AFF3: variants seen among roughly 807,000 people sequenced by gnomAD.
AFF3 encodes AF4/FMR2 family member 3.
AFF3 carries 32 observed loss-of-function variants against 129.7 expected under a neutral mutation model. The observed-to-expected ratio is 0.25, with a 90% CI of 0.19 to 0.33. The LOEUF (loss-of-function observed/expected upper bound fraction) is 0.33, where lower values mean the gene tolerates loss of function less well. AFF3 is among the 10% of genes least tolerant of loss of function. The probability of loss-of-function intolerance (pLI) is 1.00; values close to 1 mark genes in which losing one functional copy is unlikely to be tolerated. For synonymous variants in AFF3, 644 were observed against 635.4 expected (o/e 1.01, Z -0.20); for missense variants, 1,373 against 1,592.0 (o/e 0.86, Z 2.34).
intron 13 of AFF3, among the ~76,000 whole-genome samples, chr2:99,617,463 A>G (rs543610770): frequency 2.4e-4 from 36 of 152,340 alleles, no homozygotes; most frequent in Middle Eastern, 3.4e-3. Flanking sequence ...TCTTTGGAGA[A>G]TGTGTATTCA....
chr2:100,128,227 T>G (rs1274630761), intron 2 of AFF3, among the ~76,000 whole-genome samples: 1 of 152,182 alleles, frequency 6.6e-6, no homozygotes, highest in East Asian at 1.9e-4. Context: ...ATTCGTTTAT[T>G]CCTTCACGTT....
At chr2:100,047,957 C>T (rs908055046) in intron 4 of AFF3, among the ~76,000 whole-genome samples, 22 of 152,176 alleles carry the variant, frequency 1.4e-4, no homozygotes, top group African/African-American at 4.1e-4. Flanking sequence ...ATATTACTGC[C>T]GTTGTACCTG....
At position 99,726,224 on chromosome 2, in the gene AFF3, G is replaced by T. The variant is rs533264417; in HGVS notation, c.1091+853C>A. 8.1e-4 allele frequency among the ~76,000 whole-genome samples: 124 copies of T among 152,284 alleles called. No individual in the cohort carries two copies. The Middle Eastern group carries it at 0.014, about 17-fold the overall frequency. ...AAGGATCTTTCTAGACAAAGAAACAGATTTTGGACAAAATAAGACACTCAG... is the reference window on the plus strand; with the variant it reads ...AAGGATCTTTCTAGACAAAGAAACATATTTTGGACAAAATAAGACACTCAG... On this transcript the variant is annotated intron_variant, in intron 11 of 24. Coordinates refer to ENST00000672756, the MANE Select transcript of AFF3 (RefSeq NM_001386135.1).
intron 13 of AFF3, among the ~76,000 whole-genome samples, chr2:99,638,217 A>G (rs62154529): frequency 0.035 from 5,393 of 151,936 alleles, 118 homozygotes; most frequent in Non-Finnish European, 0.044. Flanking sequence ...ACACCACCAC[A>G]CCCGACTAAT....
intron 7 of AFF3, among the ~76,000 whole-genome samples, chr2:99,891,510 C>A (rs566720911): frequency 6.6e-6 from 1 of 152,280 alleles, no homozygotes; most frequent in East Asian, 1.9e-4. Flanking sequence ...CAGAGTCTGC[C>A]CAGCCCGGCA....
chr2:99,895,598 T>C (rs1394605794), intron 7 of AFF3, among the ~76,000 whole-genome samples: 1 of 152,082 alleles, frequency 6.6e-6, no homozygotes, highest in Non-Finnish European at 1.5e-5. Flanking sequence ...CCTCTGACAC[T>C]GCAAAGCCCC....
chr2:99,782,265 A>T (rs1684473346), intron 8 of AFF3, among the ~76,000 whole-genome samples: 1 of 152,218 alleles, frequency 6.6e-6, no homozygotes, highest in Non-Finnish European at 1.5e-5. Context: ...CTTTGGCCCA[A>T]ACATCTGTAA....
At chr2:99,869,890 G>A (rs1181186624) in intron 7 of AFF3, among the ~76,000 whole-genome samples, 1 of 152,166 alleles carries the variant, frequency 6.6e-6, no homozygotes, top group Non-Finnish European at 1.5e-5. Context: ...GAAAGAATAG[G>A]AAAATTTTAT....
At chr2:99,891,923 C>T (rs10165991) in intron 7 of AFF3, among the ~76,000 whole-genome samples, 62,589 of 151,800 alleles carry the variant, frequency 0.41, 13,323 homozygotes, top group Middle Eastern at 0.48. Flanking sequence ...CCCGGGTTCA[C>T]GCCATTCTCC....
At chr2:99,981,829 G>A (rs529669319) in intron 7 of AFF3, among the ~76,000 whole-genome samples, 15 of 152,242 alleles carry the variant, frequency 9.9e-5, no homozygotes, top group African/African-American at 3.4e-4. Context: ...AAACAAATAG[G>A]AACTTAGTAT....
rs141307198 is a variant in AFF3, at chr2:99,801,819, T to G, written c.921+35658A>C. 2.9e-4 allele frequency among the ~76,000 whole-genome samples: 44 copies of G among 152,370 alleles called. 1 individual carries two copies. Among genetic ancestry groups the G allele is most frequent in the South Asian group, 1.7e-3 (8 of 4,830 alleles). The stretch of plus-strand genomic sequence containing the variant: ...ATGAGTTACTTATATATAATTGTTA[T>G]GTGGGGTCTCTATTATTTCAAGTCA... On this transcript the variant is annotated intron_variant, in intron 8 of 24. Coordinates refer to ENST00000672756, the MANE Select transcript of AFF3 (RefSeq NM_001386135.1).
At chr2:100,119,363 C>T (rs183966538) in intron 2 of AFF3, among the ~76,000 whole-genome samples, 33 of 152,296 alleles carry the variant, frequency 2.2e-4, no homozygotes, top group East Asian at 1.9e-3. Context: ...CTTCAGGAGA[C>T]CATTCCTGCT....
chr2:99,911,339 G>A (rs914749945), intron 7 of AFF3, among the ~76,000 whole-genome samples: 11 of 151,404 alleles, frequency 7.3e-5, no homozygotes, highest in Non-Finnish European at 1.0e-4. Context: ...AGTGGGCCGA[G>A]ATCGTGCCAC....
At chr2:99,932,066 A>C (rs1696708187) in intron 7 of AFF3, among the ~76,000 whole-genome samples, 1 of 152,224 alleles carries the variant, frequency 6.6e-6, no homozygotes, top group African/African-American at 2.4e-5. Flanking sequence ...CTTCCTTAAT[A>C]CAGCACTGTG....
intron 7 of AFF3, among the ~76,000 whole-genome samples, chr2:99,947,601 AAGATAGATAGATAGATAGATAGATAGAT>A (rs70940190): frequency 2.9e-5 from 4 of 136,600 alleles, no homozygotes; most frequent in Admixed American, 7.3e-5. Flanking sequence ...GAAAGAAAGA[AAGATAGATAGATAGATAGATAGATAGAT>A]AGATAGATAG....
chr2:99,947,162 C>T (rs550828126), intron 7 of AFF3, among the ~76,000 whole-genome samples: 3 of 152,204 alleles, frequency 2.0e-5, no homozygotes, highest in East Asian at 1.9e-4. Flanking sequence ...AACATCCAGC[C>T]GGGTGCAGTG....
chr2:99,613,336 A>C (rs1681111438), intron 13 of AFF3, among the ~76,000 whole-genome samples: 1 of 152,206 alleles, frequency 6.6e-6, no homozygotes, highest in Admixed American at 6.5e-5. Flanking sequence ...TGAAAGTTTA[A>C]AATAATTTGT....
chr2:100,005,042 T>C (rs1287142726), intron 7 of AFF3, among the ~76,000 whole-genome samples: 1 of 152,214 alleles, frequency 6.6e-6, no homozygotes, highest in Non-Finnish European at 1.5e-5. Context: ...TAGAAAGCTC[T>C]GATTTCTCTC....
chr2:100,029,770 C>T lies in AFF3; in HGVS notation c.54-20838G>A, dbSNP rs531169244. Among the ~76,000 whole-genome samples, 262 of 152,304 alleles carry T rather than the reference C, an allele frequency of 1.7e-3. 4 individuals are homozygous for T. Among genetic ancestry groups the T allele is most frequent in the African/African-American group, 6.0e-3 (249 of 41,580 alleles). ...GTGCTTAACGCTACTGAACTATATA[C>T]TTAAAAGTAACTGGTTGGGCACAGT... On this transcript the variant is annotated intron_variant, in intron 4 of 24. Coordinates refer to ENST00000672756, the MANE Select transcript of AFF3 (RefSeq NM_001386135.1).
Sources: allele counts gnomAD v4.1 joint callset (sites outside exome capture counted in the v4.1 genomes callset), GRCh38; gene constraint gnomAD v4.1.1; transcripts MANE v1.5; gene names NCBI Gene and HGNC (gene_info 2026-07-23, HGNC 2026-07-21).